ADGRD1: variants seen among roughly 807,000 people sequenced by gnomAD.
ADGRD1 encodes the protein G-protein coupled receptor 133.
In ADGRD1, 77 loss-of-function variants were observed where a neutral mutation model predicts 113.4. The observed-to-expected ratio is 0.68, with a 90% CI of 0.57 to 0.82. The LOEUF is 0.82. ADGRD1 is among the 40% of genes least tolerant of loss of function. The probability of loss-of-function intolerance (pLI) is 0.00; values close to 1 mark genes in which losing one functional copy is unlikely to be tolerated. For synonymous variants in ADGRD1, 474 were observed against 475.0 expected, an observed-to-expected ratio of 1.00 and a Z score of 0.03; for missense variants, 1,036 against 1,139.1, an observed-to-expected ratio of 0.91 and a Z score of 1.30.
In ADGRD1 at chr12:130,971,799, A is replaced by G. The variant is rs997647427; in HGVS notation, c.310+219A>G. 2.0e-5 allele frequency among the ~76,000 whole-genome samples: 3 copies of G among 152,184 alleles called. No homozygotes were observed. The highest frequency in any genetic ancestry group is 2.0e-4 in the Admixed American group (3 of 15,276). On this transcript the variant is annotated intron_variant, in intron 4 of 24. Coordinates refer to ENST00000261654, the MANE Select transcript of ADGRD1 (RefSeq NM_198827.5). This position sits in a 1 kb window ranked among gnomAD's most constrained non-coding sequence, Gnocchi z 4.2. ...TGGCTGGAAGTTATAACATCCTCTT[A>G]CAGAGATGTGAGATCAAAATACTTA... is the stretch of plus-strand genomic sequence containing the variant.
At chr12:131,083,111 G>A (rs770972394) in intron 14 of ADGRD1, among the ~76,000 whole-genome samples, 2 of 152,170 alleles carry the variant, frequency 1.3e-5, no homozygotes, top group Non-Finnish European at 2.9e-5. Flanking sequence ...GTTCTCATCT[G>A]CCACATCCAT....
intron 15 of ADGRD1, among the ~76,000 whole-genome samples, chr12:131,095,573 G>A (rs1325210446): frequency 1.3e-5 from 2 of 152,156 alleles, no homozygotes; most frequent in Admixed American, 6.5e-5. Flanking sequence ...AGGGTGGGCC[G>A]GGTGACCAGG....
In ADGRD1 at chr12:131,084,941, C is replaced by T. The variant is rs1272860179; in HGVS notation, c.1671+278C>T. ...ACGCCCAGACTGCACCTGGGGGGAT[C>T]CAAGGAGGGACCCCTCATCCCTCCA... On this transcript the variant is annotated intron_variant, in intron 15 of 24. Transcript: ENST00000261654. The surrounding 1 kb of genome is among the most constrained non-coding windows in gnomAD (Gnocchi z 4.5). 6.6e-6 allele frequency among the ~76,000 whole-genome samples: 1 copy of T among 152,208 alleles called. No homozygotes were observed. The highest frequency in any genetic ancestry group is 2.4e-5 in the African/African-American group (1 of 41,450).
At chr12:131,017,891 C>T (rs1180899780) in intron 13 of ADGRD1, among the ~76,000 whole-genome samples, 1 of 149,200 alleles carries the variant, frequency 6.7e-6, no homozygotes, top group East Asian at 2.0e-4. Context: ...ACAGCCAGCA[C>T]AGACACACAC....
intron 16 of ADGRD1, 90 bp from the exon 17 acceptor site, chr12:131,105,664 G>T: frequency 1.1e-6 from 1 of 898,820 alleles, no homozygotes; most frequent in Non-Finnish European, 1.8e-6. Flanking sequence ...TTGGAGGAAT[G>T]GATATAGGGA....
chr12:131,009,292 G>C (rs1877571912), intron 12 of ADGRD1, among the ~76,000 whole-genome samples: 1 of 152,248 alleles, frequency 6.6e-6, no homozygotes, highest in South Asian at 2.1e-4. Flanking sequence ...TGAACTAAGC[G>C]ATGTTGTGTG....
At chr12:131,012,607 A>G (rs973409728) in intron 12 of ADGRD1, among the ~76,000 whole-genome samples, 12 of 152,234 alleles carry the variant, frequency 7.9e-5, no homozygotes, top group African/African-American at 2.9e-4. Flanking sequence ...GAGACAGTGC[A>G]GAGGCCGGGG....
chr12:131,135,315 G>T (rs534368513), intron 21 of ADGRD1, among the ~76,000 whole-genome samples: 1 of 152,270 alleles, frequency 6.6e-6, no homozygotes, highest in Admixed American at 6.5e-5. Flanking sequence ...TATATAACCT[G>T]CCTCTCCTGT....
At chr12:130,991,762 A>G (rs1534324) in intron 7 of ADGRD1, among the ~76,000 whole-genome samples, 69,408 of 152,028 alleles carry the variant, frequency 0.46, 16,168 homozygotes, top group Non-Finnish European at 0.49. Context: ...CTGCTCAGAA[A>G]GCTGAGACAG....
chr12:131,105,000 G>A, intron 16 of ADGRD1, 66 bp downstream of exon 16: 1 of 1,142,546 alleles, frequency 8.8e-7, no homozygotes, highest in Non-Finnish European at 1.3e-6. Flanking sequence ...ATCTCAAGAT[G>A]GAAGAGACAC....
chr12:131,080,236 G>A lies in ADGRD1; in HGVS notation c.1547+3362G>A, dbSNP rs117078049. ...TTCCTCTTCAACCTCTTCAACCTAT[G>A]TGTTATTTTGAAGTGTGTAGTTTAA... On this transcript the variant is annotated intron_variant, in intron 14 of 24. Transcript: ENST00000261654. 3.0e-3 allele frequency among the ~76,000 whole-genome samples: 453 copies of A among 152,212 alleles called. 15 individuals carry two copies. In the East Asian group the frequency reaches 0.069, roughly 23 times the overall value.
At chr12:131,037,698 T>TG (rs796498147) in intron 13 of ADGRD1, among the ~76,000 whole-genome samples, 3 of 27,338 alleles carry the variant, frequency 1.1e-4, no homozygotes, top group Non-Finnish European at 2.1e-4. Flanking sequence ...CTCATTGCAC[T>TG]GGGTCTCACT....
intron 13 of ADGRD1, chr12:131,025,413 G>A (rs1490523299): frequency 6.6e-6 from 1 of 152,230 alleles, no homozygotes; most frequent in Non-Finnish European, 1.5e-5. Flanking sequence ...CCGTGAGGAG[G>A]AGGTGAACTC....
At chr12:130,959,900 G>A (rs1441404885) in intron 2 of ADGRD1, among the ~76,000 whole-genome samples, 1 of 152,186 alleles carries the variant, frequency 6.6e-6, no homozygotes, top group African/African-American at 2.4e-5. Flanking sequence ...GAGGGACCGT[G>A]GGGACTATTG....
At chr12:130,967,341 G>C (rs997006115) in intron 3 of ADGRD1, 4 of 172,114 alleles carry the variant, frequency 2.3e-5, no homozygotes, top group Non-Finnish European at 3.8e-5. Flanking sequence ...GCTGGTAGGA[G>C]AAACCTCACA....
intron 14 of ADGRD1, among the ~76,000 whole-genome samples, chr12:131,079,915 G>A (rs532975924): frequency 1.8e-4 from 27 of 152,188 alleles, no homozygotes; most frequent in Middle Eastern, 3.4e-3. Flanking sequence ...TTTTTCCAAA[G>A]ATATAACTTT....
In ADGRD1 at chr12:131,108,748, C is replaced by A; in HGVS notation, c.1912C>A (p.Leu638Ile). The A allele has an allele frequency of 6.2e-7, 1 of 1,614,082 alleles. No individual in the cohort carries two copies. Among genetic ancestry groups the A allele is most frequent in the Middle Eastern group, 1.6e-4 (1 of 6,062 alleles). ...GTTPCQVMAVLLHYFFLSAFA... is the reference protein window; with the variant it reads ...GTTPCQVMAVILHYFFLSAFA... ...GACCCCCTGCCAAGTGATGGCCGTG[C>A]TCCTACACTACTTCTTCCTGAGTGC... The change falls in exon 18 of 25, where the codon CTC becomes ATC. Residue 638 changes from leucine (L) to isoleucine (I), a missense_variant. Coordinates refer to ENST00000261654, the MANE Select transcript of ADGRD1 (RefSeq NM_198827.5).
At chr12:130,981,807 A>G in intron 4 of ADGRD1, 77 bp from the exon 5 acceptor site, 2 of 955,774 alleles carry the variant, frequency 2.1e-6, no homozygotes, top group East Asian at 2.4e-5. Flanking sequence ...AAAAATAAAA[A>G]GCAAAGAGAA....
intron 13 of ADGRD1, among the ~76,000 whole-genome samples, chr12:131,038,576 C>T (rs573071247): frequency 1.3e-5 from 2 of 152,338 alleles, no homozygotes; most frequent in African/African-American, 4.8e-5. Context: ...TGGAAATGCC[C>T]CTGGGGCTCA....
Sources: allele counts gnomAD v4.1 joint callset (sites outside exome capture counted in the v4.1 genomes callset), GRCh38; gene constraint gnomAD v4.1.1; non-coding constraint Gnocchi (gnomAD v3.1); transcripts MANE v1.5; gene names NCBI Gene and HGNC (gene_info 2026-07-23, HGNC 2026-07-21).